SAG: variants seen among roughly 807,000 people sequenced by gnomAD.
SAG encodes the protein S-antigen visual arrestin.
In SAG, 45 loss-of-function variants were observed where a neutral mutation model predicts 55.0. That is an observed-to-expected ratio of 0.82 (90% confidence interval 0.64 to 1.05). SAG has a LOEUF of 1.05. Among genes scored for constraint, SAG ranks in the 50% least tolerant of loss-of-function variants. The pLI is 0.00. For missense variants in SAG, 455 were observed against 512.1 expected, an observed-to-expected ratio of 0.89 and a Z score of 1.08; for synonymous variants, 189 against 197.4, an observed-to-expected ratio of 0.96 and a Z score of 0.36.
chr2:233,328,897 G>T, intron 8 of SAG: 1 of 386,552 alleles, frequency 2.6e-6, no homozygotes, highest in Non-Finnish European at 4.7e-6. Flanking sequence ...CTGCCCCCCA[G>T]CTGTCCTTGT....
In SAG at chr2:233,331,684, G is replaced by A. The variant is rs1443433091; in HGVS notation, c.778G>A (p.Val260Ile). The change falls in exon 10 of 16, where the codon GTC becomes ATC. Residue 260 changes from valine to isoleucine, a missense_variant. Transcript: ENST00000409110. Reference protein sequence around the residue: ...NVVLYSSDYYVKPVAMEEAQE... With the variant: ...NVVLYSSDYYIKPVAMEEAQE... ...GGTTCTCTACTCGAGTGATTATTACGTCAAGCCCGTGGCTATGGAGGAAGC... is the reference window on the plus strand; with the variant it reads ...GGTTCTCTACTCGAGTGATTATTACATCAAGCCCGTGGCTATGGAGGAAGC... 12 of 1,613,606 alleles carry A rather than the reference G, an allele frequency of 7.4e-6. No homozygotes were observed. Among genetic ancestry groups the A allele is most frequent in the Admixed American group, 1.7e-5 (1 of 59,984 alleles).
At chr2:233,315,921 C>G (rs1322831002) in intron 2 of SAG, among the ~76,000 whole-genome samples, 154 bp from the exon 3 acceptor site, 3 of 151,772 alleles carry the variant, frequency 2.0e-5, no homozygotes, top group Non-Finnish European at 4.4e-5. Flanking sequence ...TGGCCAGGCT[C>G]AAACTCCTGA....
intron 9 of SAG, 124 bp from the exon 10 acceptor site, chr2:233,331,516 C>G (rs1275941558): frequency 1.4e-6 from 1 of 729,434 alleles, no homozygotes; most frequent in Admixed American, 2.1e-5. Flanking sequence ...AAAGCCTAGC[C>G]TTGGAAGTGG....
chr2:233,336,242 T>G (rs1700923367), intron 11 of SAG, among the ~76,000 whole-genome samples: 1 of 152,072 alleles, frequency 6.6e-6, no homozygotes, highest in Non-Finnish European at 1.5e-5. Flanking sequence ...CGGCCGGCCA[T>G]GATGGCTCAC....
At chr2:233,314,230 A>G (rs1700158122) in intron 2 of SAG, among the ~76,000 whole-genome samples, 2 of 151,804 alleles carry the variant, frequency 1.3e-5, no homozygotes, top group African/African-American at 4.8e-5. Flanking sequence ...TCAAAAAAAA[A>G]AAAAAATTAC....
chr2:233,335,136 G>A (rs989415609), intron 11 of SAG, 37 bp downstream of exon 11: 1 of 1,593,776 alleles, frequency 6.3e-7, no homozygotes, highest in Non-Finnish European at 8.6e-7. Context: ...GCCCTGGCAG[G>A]GCGGGCTGGT....
chr2:233,314,851 T>C (rs1244274413), intron 2 of SAG, among the ~76,000 whole-genome samples: 1 of 152,056 alleles, frequency 6.6e-6, no homozygotes, highest in African/African-American at 2.4e-5. Context: ...CCAACAAAAA[T>C]GATTTAGGCC....
chr2:233,320,584 G>C, intron 4 of SAG, 46 bp from the exon 5 acceptor site: 2 of 1,467,650 alleles, frequency 1.4e-6, no homozygotes, highest in Non-Finnish European at 1.8e-6. Flanking sequence ...GGTGGTGGGT[G>C]CCAGGCCGAG....
At chr2:233,330,122 TTAAC>T (rs956005917) in intron 9 of SAG, among the ~76,000 whole-genome samples, 2 of 152,198 alleles carry the variant, frequency 1.3e-5, no homozygotes, top group African/African-American at 4.8e-5. Context: ...TTCCCACACA[TTAAC>T]TAAGCTCAAA....
At chr2:233,336,127 A>G (rs1030126438) in intron 11 of SAG, among the ~76,000 whole-genome samples, 2 of 152,224 alleles carry the variant, frequency 1.3e-5, no homozygotes, top group Non-Finnish European at 2.9e-5. Context: ...GAGAGCCTAG[A>G]TCAATGTATT....
chr2:233,335,143 T>A, intron 11 of SAG, 44 bp downstream of exon 11: 2 of 1,588,744 alleles, frequency 1.3e-6, no homozygotes, highest in Middle Eastern at 2.0e-4. Context: ...CAGGGCGGGC[T>A]GGTGCTGGTC....
intron 6 of SAG, among the ~76,000 whole-genome samples, chr2:233,326,201 G>A (rs1009230237): frequency 1.3e-5 from 2 of 152,166 alleles, no homozygotes; most frequent in Admixed American, 6.5e-5. Flanking sequence ...TGGCAGATCC[G>A]TTCATTCAGC....
intron 1 of SAG, 26 bp from the exon 2 acceptor site, chr2:233,309,136 C>T: frequency 1.4e-6 from 2 of 1,425,100 alleles, no homozygotes; most frequent in Non-Finnish European, 2.0e-6. Flanking sequence ...TTCTCCAACC[C>T]TCTAACACCT....
intron 10 of SAG, chr2:233,332,856 T>A (rs1188649195): frequency 6.6e-6 from 1 of 152,144 alleles, no homozygotes; most frequent in Non-Finnish European, 1.5e-5. Context: ...AGAAATGGGG[T>A]TTCACCATGT....
chr2:233,312,249 A>G (rs541631745), intron 2 of SAG, among the ~76,000 whole-genome samples: 3 of 152,300 alleles, frequency 2.0e-5, no homozygotes, highest in African/African-American at 7.2e-5. Context: ...GAGAAGAAAC[A>G]TGCCCTCTCT....
intron 5 of SAG, among the ~76,000 whole-genome samples, chr2:233,321,130 T>C (rs1700368561): frequency 6.6e-6 from 1 of 152,164 alleles, no homozygotes; most frequent in Admixed American, 6.5e-5. Flanking sequence ...CTCACAGAAA[T>C]GCCCCTCGGC....
Position 233,335,242 on chromosome 2 carries a change from G to C in SAG, c.944+143G>C, listed in dbSNP as rs370634567. On this transcript the variant is annotated intron_variant, in intron 11 of 15. Coordinates refer to ENST00000409110, the MANE Select transcript of SAG (RefSeq NM_000541.5). ...TGTGTAGTGTGGAGTGCATATCTACGGGCCCACACAAGGATCCCACTCTCA... is the reference window on the plus strand; with the variant it reads ...TGTGTAGTGTGGAGTGCATATCTACCGGCCCACACAAGGATCCCACTCTCA... 3.8e-5 allele frequency: 42 copies of C among 1,118,816 alleles called. No individual in the cohort carries two copies. In the East Asian group the frequency reaches 1.0e-3, roughly 27 times the overall value. The allele number at this position is 1,118,816 out of a possible 1,614,324, so 69.3% of individuals were successfully genotyped here. A position where few individuals can be genotyped will look rare whatever the true frequency, so the allele number is the denominator to read the frequency against.
chr2:233,339,901 G>A (rs113973714), intron 12 of SAG, among the ~76,000 whole-genome samples: 12,407 of 151,762 alleles, frequency 0.082, 678 homozygotes, highest in African/African-American at 0.15. Context: ...GACCTCAAGT[G>A]ATCTGCCCAC....
At chr2:233,342,463 G>A in intron 14 of SAG, 137 bp downstream of exon 14, 1 of 737,746 alleles carries the variant, frequency 1.4e-6, no homozygotes, top group Non-Finnish European at 2.4e-6. Context: ...TGATCTACAA[G>A]GTGAATAGTC....
Sources: allele counts gnomAD v4.1 joint callset (sites outside exome capture counted in the v4.1 genomes callset), GRCh38; gene constraint gnomAD v4.1.1; transcripts MANE v1.5; gene names NCBI Gene and HGNC (gene_info 2026-07-23, HGNC 2026-07-21).